The following ARHGEF10 variants were observed in gnomAD, a reference collection of about 807,000 sequenced individuals.
ARHGEF10 encodes the protein Rho guanine nucleotide exchange factor 10.
A neutral mutation model predicts 147.4 loss-of-function variants in ARHGEF10; 140 were observed. That is an observed-to-expected ratio of 0.95 (90% confidence interval 0.83 to 1.09). ARHGEF10 has a LOEUF of 1.09. Ranked by LOEUF, ARHGEF10 falls within the 50% of genes least tolerant of loss-of-function variation. The pLI is 0.00. For synonymous variants in ARHGEF10, 902 were observed against 695.8 expected, an observed-to-expected ratio of 1.30 and a Z score of -4.67; for missense variants, 2,222 against 1,752.7, an observed-to-expected ratio of 1.27 and a Z score of -4.78.
At chr8:1,825,021 C>T in intron 1 of ARHGEF10, among the ~76,000 whole-genome samples, 1 of 53,274 alleles carries the variant, frequency 1.9e-5, no homozygotes, top group Non-Finnish European at 3.9e-5. Context: ...ACTCTGCACC[C>T]CAGCTGTCCC....
At chr8:1,869,117 A>T in intron 6 of ARHGEF10, 77 bp from the exon 7 acceptor site, 1 of 1,285,810 alleles carries the variant, frequency 7.8e-7, no homozygotes, top group South Asian at 1.2e-5. Flanking sequence ...ATCATCGGCG[A>T]CTGTGGCCCT....
intron 27 of ARHGEF10, among the ~76,000 whole-genome samples, chr8:1,951,381 C>T (rs1292932722): frequency 6.6e-6 from 1 of 152,232 alleles, no homozygotes; most frequent in Admixed American, 6.5e-5. Context: ...TCGCCCTGAC[C>T]AAGTCACGCC....
rs374941453 is a variant in ARHGEF10 at position 1,947,989 on chromosome 8, G to A, written c.3397+2334G>A. On this transcript the variant is annotated intron_variant, in intron 27 of 28. Coordinates refer to ENST00000349830, the MANE Select transcript of ARHGEF10 (RefSeq NM_014629.4). ...AGACCCCTTGCCGGCTGCTCAGGTC[G>A]CAGGTTCTGGCTAAATCGCAGCTGC... Among the ~76,000 whole-genome samples the A allele has an allele frequency of 1.4e-4, 22 of 152,096 alleles. No homozygotes were observed. In the East Asian group the frequency reaches 3.1e-3, roughly 21 times the overall value.
chr8:1,823,487 G>A (rs1255219510), upstream of ARHGEF10, among the ~76,000 whole-genome samples: 1 of 152,112 alleles, frequency 6.6e-6, no homozygotes, highest in African/African-American at 2.4e-5. Context: ...CCTCCCTCAG[G>A]TGAGCTCAGC....
chr8:1,930,397 C>T (rs1454359818), intron 25 of ARHGEF10, among the ~76,000 whole-genome samples: 2 of 152,206 alleles, frequency 1.3e-5, no homozygotes, highest in African/African-American at 4.8e-5. Context: ...GCCTGGATGG[C>T]AGCGTAGCCT....
intron 28 of ARHGEF10, among the ~76,000 whole-genome samples, chr8:1,954,507 A>G (rs569560009): frequency 9.2e-5 from 14 of 152,262 alleles, no homozygotes; most frequent in African/African-American, 3.4e-4. Flanking sequence ...TGGTCCCAAG[A>G]ATTTCAGATA....
chr8:1,874,853 G>T (rs564211893), intron 7 of ARHGEF10, among the ~76,000 whole-genome samples: 1 of 112,110 alleles, frequency 8.9e-6, no homozygotes, highest in African/African-American at 3.5e-5. Flanking sequence ...GTAGGGGGTA[G>T]AGGTTCTAAG....
chr8:1,951,353 AG>A (rs1815032556), intron 27 of ARHGEF10, among the ~76,000 whole-genome samples: 1 of 152,382 alleles, frequency 6.6e-6, no homozygotes, highest in South Asian at 2.1e-4. Flanking sequence ...CGTACAGGAC[AG>A]CGCTGTGGAT....
Position 1,928,596 on chromosome 8 carries a change from C to T in ARHGEF10, c.2867C>T (p.Pro956Leu), listed in dbSNP as rs201570359. The T allele has an allele frequency of 1.7e-4, 267 of 1,614,190 alleles. 4 individuals carry two copies. In the South Asian group the frequency reaches 2.2e-3, roughly 13 times the overall value. Residue 956 changes from proline (P) to leucine (L), a missense_variant, in exon 24 of 29, where the codon CCG becomes CTG. Pro to Leu is a moderately conservative substitution (Grantham distance 98, BLOSUM62 -3). Transcript: ENST00000349830. The stretch of plus-strand genomic sequence containing the variant: ...GGGGCACCCCCGGACCCCGAGACCC[C>T]GGCCGTGAGAGCTTCTGATGTCCCC... ...EPGAPPDPET[P>L]AVRASDVPTI...
Position 1,952,656 on chromosome 8 carries a change from ACT to A in ARHGEF10, c.3398-46_3398-45del, listed in dbSNP as rs1283907649. On this transcript the variant is annotated intron_variant, in intron 27 of 28. Coordinates refer to ENST00000349830, the MANE Select transcript of ARHGEF10 (RefSeq NM_014629.4). ...CCAGCACCCCGTCACCGCCCCACCAACTCTGCTACACAAACCAGACCCGAAGC... is the reference window on the plus strand; with the variant it reads ...CCAGCACCCCGTCACCGCCCCACCAACTGCTACACAAACCAGACCCGAAGC... 2.5e-6 allele frequency: 4 copies of A among 1,610,086 alleles called. No homozygotes were observed. The African/African-American group carries it at 5.4e-5, about 22-fold the overall frequency.
chr8:1,909,946 C>T (rs1811237009), intron 18 of ARHGEF10, among the ~76,000 whole-genome samples: 1 of 152,172 alleles, frequency 6.6e-6, no homozygotes, highest in Non-Finnish European at 1.5e-5. Flanking sequence ...AGTGCTTGTC[C>T]ATGAACTTCC....
chr8:1,919,678 T>G (rs1175985615), intron 18 of ARHGEF10, among the ~76,000 whole-genome samples: 1 of 146,774 alleles, frequency 6.8e-6, no homozygotes, highest in Non-Finnish European at 1.5e-5. Flanking sequence ...AGCTGTTCTA[T>G]GGGTGATGAG....
In ARHGEF10 at chr8:1,859,145, C is replaced by T. The variant is rs575567498; in HGVS notation, c.194-752C>T. ...TTCTTTGTGCGCAGCACGCGCCTCT[C>T]TGCTTACACGGTGTTTCTTTGTGCA... On this transcript the variant is annotated intron_variant, in intron 3 of 28. Coordinates refer to ENST00000349830, the MANE Select transcript of ARHGEF10 (RefSeq NM_014629.4). 6.5e-3 allele frequency among the ~76,000 whole-genome samples: 511 copies of T among 78,046 alleles called. 21 individuals carry two copies. The highest frequency in any genetic ancestry group is 0.026 in the Middle Eastern group (4 of 152). The allele number at this position is 78,046 out of a possible 152,430, so 51.2% of individuals were successfully genotyped here.
chr8:1,864,073 C>T (rs1806375371), intron 4 of ARHGEF10, among the ~76,000 whole-genome samples: 2 of 152,078 alleles, frequency 1.3e-5, no homozygotes, highest in African/African-American at 2.4e-5. Flanking sequence ...CTCCCATGCA[C>T]ATGTGGAGTG....
At chr8:1,834,959 C>T (rs1255388815) in intron 1 of ARHGEF10, among the ~76,000 whole-genome samples, 3 of 152,204 alleles carry the variant, frequency 2.0e-5, no homozygotes, top group Non-Finnish European at 4.4e-5. Context: ...GCCACTTCAC[C>T]CCCAGGTGGG....
intron 18 of ARHGEF10, among the ~76,000 whole-genome samples, chr8:1,918,348 A>G (rs1811913732): frequency 6.6e-6 from 1 of 152,020 alleles, no homozygotes; most frequent in South Asian, 2.1e-4. Context: ...ACGTCAGCAC[A>G]TTTCCATGGT....
chr8:1,943,960 G>C lies in ARHGEF10; in HGVS notation c.3223-1521G>C, dbSNP rs375638052. 7 of 152,374 alleles carry C rather than the reference G, an allele frequency of 4.6e-5. No individual in the cohort carries two copies. The East Asian group carries it at 1.2e-3, about 25-fold the overall frequency. The allele number at this position is 152,374 out of a possible 1,614,324, so 9.4% of individuals were successfully genotyped here. A position where few individuals can be genotyped will look rare whatever the true frequency, so the allele number is the denominator to read the frequency against. ...CCTGGGGGGTTCCAGTTTGCTCCAG[G>C]GGGGTGGACAGTCAGATGTGGAGCC... On this transcript the variant is annotated intron_variant, in intron 26 of 28. Transcript: ENST00000349830.
intron 5 of ARHGEF10, among the ~76,000 whole-genome samples, 189 bp from the exon 6 acceptor site, chr8:1,866,337 G>C (rs755983149): frequency 1.3e-5 from 2 of 152,188 alleles, no homozygotes; most frequent in Non-Finnish European, 2.9e-5. Context: ...AGAGTTATGA[G>C]TGAAAGCTTG....
At chr8:1,951,311 C>T (rs1815028729) in intron 27 of ARHGEF10, among the ~76,000 whole-genome samples, 1 of 152,228 alleles carries the variant, frequency 6.6e-6, no homozygotes, top group South Asian at 2.1e-4. Flanking sequence ...CCGTGTTTCT[C>T]ATTAGCTTTA....
Sources: gnomAD v4.1 joint callset for allele counts (sites outside exome capture counted in the v4.1 genomes callset) on GRCh38, gnomAD v4.1.1 for gene constraint, MANE v1.5 for transcripts, NCBI Gene and HGNC (gene_info 2026-07-23, HGNC 2026-07-21) for gene names.